Variants in PHEX observed in about 807,000 individuals in gnomAD.
The protein encoded by PHEX is phosphate-regulating neutral endopeptidase PHEX.
Under a neutral mutation model 68.0 loss-of-function variants are expected in PHEX, and 16 were observed. The ratio of observed to expected loss-of-function variants is 0.24; its 90% confidence interval spans 0.16 to 0.36. PHEX has a LOEUF of 0.36. Ranked by LOEUF, PHEX falls within the 10% of genes least tolerant of loss-of-function variation. The pLI is 1.00. For synonymous variants in PHEX, 208 were observed against 205.1 expected, an observed-to-expected ratio of 1.01 and a Z score of -0.12; for missense variants, 480 against 575.5, an observed-to-expected ratio of 0.83 and a Z score of 1.70.
Position 22,235,892 on chromosome X carries a change from A to C in PHEX, c.2070+8281A>C, listed in dbSNP as rs765055209. ...GGAATACCACTTTTATTTCATTACC[A>C]ACCTGCTGAAAGAACTACAGTGGCT... On this transcript the variant is annotated intron_variant, in intron 20 of 21. Transcript: ENST00000379374. Among the ~76,000 whole-genome samples, 5 of 110,737 alleles carry C rather than the reference A, an allele frequency of 4.5e-5. No individual in the cohort carries two copies. In the South Asian group the frequency reaches 2.0e-3, roughly 43 times the overall value.
At chrX:22,138,482 G>A (rs1932324729) in intron 12 of PHEX, among the ~76,000 whole-genome samples, 1 of 111,771 alleles carries the variant, frequency 8.9e-6, no homozygotes, top group Non-Finnish European at 1.9e-5. Context: ...TGGGAGTCTA[G>A]GGGAGCTCAA....
intron 20 of PHEX, among the ~76,000 whole-genome samples, chrX:22,237,224 GAAGAAAT>G (rs1936012668): frequency 8.9e-6 from 1 of 111,949 alleles, no homozygotes; most frequent in African/African-American, 3.2e-5. Context: ...AAGAATATAG[GAAGAAAT>G]AAGAAATGAG....
intron 11 of PHEX, among the ~76,000 whole-genome samples, chrX:22,127,071 C>T (rs2147078908): frequency 9.2e-6 from 1 of 108,803 alleles, no homozygotes; most frequent in African/African-American, 3.3e-5. Flanking sequence ...AGGGTTTCAC[C>T]ATGTTGGCCA....
Position 22,222,864 on chromosome X carries a change from A to T in PHEX, c.1899+1121A>T, listed in dbSNP as rs192779222. Among the ~76,000 whole-genome samples the T allele has an allele frequency of 1.1e-3, 120 of 111,989 alleles. 2 individuals carry two copies. The highest frequency in any genetic ancestry group is 5.1e-3 in the East Asian group (18 of 3,541). The stretch of plus-strand genomic sequence containing the variant: ...ATTAAACTGAGGTTCAAAGAGATTA[A>T]AATCCACGGTAGAGTCTAGATTAGA... On this transcript the variant is annotated intron_variant, in intron 18 of 21. Transcript: ENST00000379374.
Position 22,168,295 on chromosome X carries a change from CT to C in PHEX, c.1405-12del. ...GTGCTGAAACTCTGACATTATTTTT[CT>C]TTTTCCTTTTTGTAGGCGAGAGCTG... On this transcript the variant is annotated splice_polypyrimidine_tract_variant and intron_variant, in intron 12 of 21. Transcript: ENST00000379374. The C allele has an allele frequency of 8.8e-7, 1 of 1,133,857 alleles. No individual in the cohort carries two copies. The highest frequency in any genetic ancestry group is 1.2e-6 in the Non-Finnish European group (1 of 824,947). 93.4% of individuals were successfully genotyped at this position (1,133,857 alleles called of 1,213,427 possible). A position where few individuals can be genotyped will look rare whatever the true frequency, so the allele number is the denominator to read the frequency against.
rs753296824 is a variant in PHEX at position 22,111,506 on chromosome X, C to T, written c.1119C>T (p.Ser373=). The T allele has an allele frequency of 4.5e-5, 55 of 1,209,029 alleles. No individual in the cohort carries two copies. In the Admixed American group the frequency reaches 1.0e-3, roughly 23 times the overall value. The change falls in exon 10 of 22, where the codon TCC becomes TCT. Residue 373 remains serine (S), a synonymous_variant. Transcript: ENST00000379374. ...ANYLVWRMVY[S]RIPNLSRRFQ... is the part of the protein sequence containing the mutation. ...ATTTGGTGTGGAGAATGGTTTATTC[C>T]AGAATTCCAAACCTTAGCAGGCGCT...
At chrX:22,245,602 G>A (rs1236981335) in intron 21 of PHEX, among the ~76,000 whole-genome samples, 193 bp downstream of exon 21, 1 of 111,643 alleles carries the variant, frequency 9.0e-6, no homozygotes, top group Non-Finnish European at 1.9e-5. Flanking sequence ...TTAGTAGTAA[G>A]CTGGTTTAGT....
At chrX:22,170,558 A>G (rs943967628) in intron 13 of PHEX, among the ~76,000 whole-genome samples, 4 of 112,009 alleles carry the variant, frequency 3.6e-5, no homozygotes, top group Non-Finnish European at 7.5e-5. Context: ...CTAACATACA[A>G]TCAGCACAAT....
intron 3 of PHEX, among the ~76,000 whole-genome samples, chrX:22,054,667 C>T (rs1435901823): frequency 9.0e-6 from 1 of 111,532 alleles, no homozygotes; most frequent in East Asian, 2.8e-4. Flanking sequence ...TAGAAAGCAA[C>T]AAATTGCCAA....
chrX:22,192,181 C>G (rs1934219043), intron 15 of PHEX, among the ~76,000 whole-genome samples: 1 of 111,279 alleles, frequency 9.0e-6, no homozygotes, highest in Non-Finnish European at 1.9e-5. Context: ...TGCACCTTTT[C>G]TGTTCTCTTC....
intron 15 of PHEX, among the ~76,000 whole-genome samples, chrX:22,204,461 G>C (rs1232747171): frequency 8.9e-6 from 1 of 112,073 alleles, no homozygotes; most frequent in Non-Finnish European, 1.9e-5. Flanking sequence ...CTTGGTATAG[G>C]TTTACCTTCC....
intron 1 of PHEX, among the ~76,000 whole-genome samples, 195 bp from the exon 2 acceptor site, chrX:22,038,274 C>A (rs1451685900): frequency 9.0e-6 from 1 of 111,473 alleles, no homozygotes; most frequent in Admixed American, 9.5e-5. Flanking sequence ...TCAAAGCAAC[C>A]AAGAGTCTTA....
chrX:22,185,234 G>A (rs1933991630), intron 14 of PHEX, among the ~76,000 whole-genome samples: 1 of 112,292 alleles, frequency 8.9e-6, no homozygotes, highest in South Asian at 3.7e-4. Flanking sequence ...TAAAGACATA[G>A]TAAGAAGAAT....
intron 11 of PHEX, among the ~76,000 whole-genome samples, chrX:22,130,157 A>G (rs1390185648): frequency 9.0e-6 from 1 of 110,898 alleles, no homozygotes; most frequent in Non-Finnish European, 1.9e-5. Flanking sequence ...TTCCCTCCCC[A>G]TTGCCCCTCC....
At chrX:22,246,834 C>A (rs1219779202) in intron 21 of PHEX, among the ~76,000 whole-genome samples, 1 of 111,879 alleles carries the variant, frequency 8.9e-6, no homozygotes, top group Non-Finnish European at 1.9e-5. Context: ...GTAACAAAGT[C>A]ATTAGGGAAG....
chrX:22,062,557 T>A (rs1406410879), intron 3 of PHEX, among the ~76,000 whole-genome samples: 1 of 111,429 alleles, frequency 9.0e-6, no homozygotes, highest in Non-Finnish European at 1.9e-5. Context: ...CTTGCAACCC[T>A]TCTCCATTTG....
At chrX:22,224,993 G>GATTTATTATCATACAGCGCTGTATGT in intron 18 of PHEX, among the ~76,000 whole-genome samples, 2 of 99,073 alleles carry the variant, frequency 2.0e-5, no homozygotes, top group East Asian at 6.5e-4. Context: ...AGCTCTGTAT[G>GATTTATTATCATACAGCGCTGTATGT]TCAGAAGTCT....
chrX:22,247,758 C>A, intron 21 of PHEX, 93 bp from the exon 22 acceptor site: 1 of 652,634 alleles, frequency 1.5e-6, no homozygotes, highest in Non-Finnish European at 2.5e-6. Context: ...AGAATGCCAA[C>A]CTTCTTTCTA....
chrX:22,241,961 A>G (rs1021473629), intron 20 of PHEX, among the ~76,000 whole-genome samples: 19 of 111,992 alleles, frequency 1.7e-4, no homozygotes, highest in African/African-American at 6.2e-4. Flanking sequence ...AAAACCTGGC[A>G]GAGACACAAC....
Sources: allele counts gnomAD v4.1 joint callset (sites outside exome capture counted in the v4.1 genomes callset), GRCh38; gene constraint gnomAD v4.1.1; transcripts MANE v1.5; gene names NCBI Gene and HGNC (gene_info 2026-07-23, HGNC 2026-07-21).